The following PLAGL1 variants were observed in gnomAD, a reference collection of about 807,000 sequenced individuals.
The protein encoded by PLAGL1 is zinc finger protein PLAGL1.
PLAGL1 carries 1 observed loss-of-function variant against 4.6 expected under a neutral mutation model. The observed-to-expected ratio is 0.22, with a 90% CI of 0.08 to 1.03. The LOEUF (loss-of-function observed/expected upper bound fraction) is 1.03. PLAGL1 is among the 50% of genes least tolerant of loss of function. The pLI, the probability that PLAGL1 is intolerant of heterozygous loss-of-function variation, is 0.58. For synonymous variants in PLAGL1, 240 were observed against 237.8 expected (o/e 1.01, Z -0.08); for missense variants, 464 against 570.4 (o/e 0.81, Z 1.90).
At chr6:144,002,459 G>A (rs1793116890) in intron 1 of PLAGL1, among the ~76,000 whole-genome samples, 1 of 152,076 alleles carries the variant, frequency 6.6e-6, no homozygotes. Flanking sequence ...AAAGAGAATA[G>A]AATTGTAAAG....
Position 143,950,025 on chromosome 6 carries a change from T to C in PLAGL1, c.-324-1565A>G. Among the ~76,000 whole-genome samples, 1 of 152,078 alleles carries C rather than the reference T, an allele frequency of 6.6e-6. No individual in the cohort carries two copies. Among genetic ancestry groups the C allele is most frequent in the East Asian group, 1.9e-4 (1 of 5,194 alleles). ...CAAAAATTCCAGGAAACTTGTAGAG[T>C]TCCTCATCTTCTGTTGTAGATGTTT... On this transcript the variant is annotated intron_variant, in intron 6 of 7. Coordinates refer to ENST00000674357, the MANE Select transcript of PLAGL1 (RefSeq NM_001317162.2). This position sits in a 1 kb window ranked among gnomAD's most constrained non-coding sequence, Gnocchi z 6.3.
chr6:144,025,731 A>G (rs1246843519), intron 1 of PLAGL1, among the ~76,000 whole-genome samples: 1 of 151,216 alleles, frequency 6.6e-6, no homozygotes, highest in Non-Finnish European at 1.5e-5. Flanking sequence ...CTCTACTAAA[A>G]ATACAAAAAA....
intron 1 of PLAGL1, among the ~76,000 whole-genome samples, chr6:143,996,241 G>A (rs1213576365): frequency 6.6e-6 from 1 of 152,148 alleles, no homozygotes; most frequent in East Asian, 1.9e-4. Context: ...TTCTTATTAG[G>A]TGGATCTGGG....
At position 143,947,303 on chromosome 6, in the gene PLAGL1, A is replaced by T. The variant is rs1358998666; in HGVS notation, c.152+682T>A. Among the ~76,000 whole-genome samples, 1 of 152,036 alleles carries T rather than the reference A, an allele frequency of 6.6e-6. No homozygotes were observed. Among genetic ancestry groups the T allele is most frequent in the Non-Finnish European group, 1.5e-5 (1 of 68,024 alleles). On this transcript the variant is annotated intron_variant, in intron 7 of 7. Transcript: ENST00000674357. This position sits in a 1 kb window ranked among gnomAD's most constrained non-coding sequence, Gnocchi z 4.3. ...TCTCAGGACCTGGATCAGCCCCCAC[A>T]TTTCATCCCTGGACTCTGAGAGCAG...
chr6:144,033,305 C>T (rs1303611385), intron 1 of PLAGL1, among the ~76,000 whole-genome samples: 5 of 152,138 alleles, frequency 3.3e-5, no homozygotes, highest in Non-Finnish European at 1.5e-5. Flanking sequence ...ATAATAAATA[C>T]CAGGTTTAAG....
In PLAGL1 at chr6:144,048,164, T is replaced by C. The variant is rs1265682767; in HGVS notation, c.-151+16304A>G. On this transcript the variant is annotated intron_variant, in intron 1 of 3. Transcript: ENST00000437412. The surrounding 1 kb of genome is among the most constrained non-coding windows in gnomAD (Gnocchi z 4.8). ...TGCAAGAAGTGGGCTCCCACGGTCT[T>C]GGGCAGCTCTGCCTCTGTGGCTTTG... Among the ~76,000 whole-genome samples, 2 of 152,360 alleles carry C rather than the reference T, an allele frequency of 1.3e-5. No individual in the cohort carries two copies. The highest frequency in any genetic ancestry group is 2.9e-5 in the Non-Finnish European group (2 of 68,028).
rs554171717 is a variant in PLAGL1, at chr6:143,949,742, G to A, written c.-324-1282C>T. On this transcript the variant is annotated intron_variant, in intron 6 of 7. Transcript: ENST00000674357. This position sits in a 1 kb window ranked among gnomAD's most constrained non-coding sequence, Gnocchi z 5.3. ...ATTTGCTGAACTTTGCCAGTAAGCA[G>A]GGCACTTCATGGTAAACTGACCAAT... Among the ~76,000 whole-genome samples, 7 of 152,332 alleles carry A rather than the reference G, an allele frequency of 4.6e-5. No homozygotes were observed. Among genetic ancestry groups the A allele is most frequent in the Non-Finnish European group, 7.3e-5 (5 of 68,034 alleles).
rs1381471063 is a variant in PLAGL1, at chr6:143,990,788, C to G, written c.-583-5614G>C. Among the ~76,000 whole-genome samples the G allele has an allele frequency of 6.6e-6, 1 of 152,218 alleles. No individual in the cohort carries two copies. The highest frequency in any genetic ancestry group is 1.5e-5 in the Non-Finnish European group (1 of 68,042). On this transcript the variant is annotated intron_variant, in intron 1 of 7. Coordinates refer to ENST00000674357, the MANE Select transcript of PLAGL1 (RefSeq NM_001317162.2). The surrounding 1 kb of genome is among the most constrained non-coding windows in gnomAD (Gnocchi z 5.4). ...GACTTCATCTTCCCGGGACCCAACC[C>G]CTCTTTCCTCCCTTGTGTCATGCCG... is the stretch of plus-strand genomic sequence containing the variant.
chr6:144,048,228 G>A lies in PLAGL1; in HGVS notation c.-151+16240C>T, dbSNP rs574793270. Among the ~76,000 whole-genome samples the A allele has an allele frequency of 1.2e-3, 181 of 152,288 alleles. 1 individual carries two copies. Among genetic ancestry groups the A allele is most frequent in the African/African-American group, 4.0e-3 (167 of 41,566 alleles). ...CCCTCTTGGCTGCTTTCATGGGCTG[G>A]CATTGAGTGTTGGTGGCTTTTCCAG... On this transcript the variant is annotated intron_variant, in intron 1 of 3. Coordinates refer to the PLAGL1 transcript ENST00000437412. This position sits in a 1 kb window ranked among gnomAD's most constrained non-coding sequence, Gnocchi z 4.8.
In PLAGL1 at chr6:144,027,853, A is replaced by C. The variant is rs1346622604; in HGVS notation, c.-151+36615T>G. ...AAATATGTGCACAGACTCACATATA[A>C]GGTCCTAAAGAAAGGATTTTGCTGA... On this transcript the variant is annotated intron_variant, in intron 1 of 3. Coordinates refer to the PLAGL1 transcript ENST00000437412. The surrounding 1 kb of genome is among the most constrained non-coding windows in gnomAD (Gnocchi z 5.8). Among the ~76,000 whole-genome samples the C allele has an allele frequency of 1.3e-5, 2 of 152,222 alleles. No individual in the cohort carries two copies. Among genetic ancestry groups the C allele is most frequent in the Non-Finnish European group, 2.9e-5 (2 of 68,036 alleles).
At chr6:144,062,470 CAAAAAAA>C (rs543521128) in intron 1 of PLAGL1, among the ~76,000 whole-genome samples, 39 of 75,724 alleles carry the variant, frequency 5.2e-4, no homozygotes, top group South Asian at 1.1e-3. Context: ...GTTATCAGAC[CAAAAAAA>C]AAAAAAAAAA....
At chr6:143,980,790 G>C (rs1432255402) in intron 2 of PLAGL1, among the ~76,000 whole-genome samples, 1 of 152,066 alleles carries the variant, frequency 6.6e-6, no homozygotes, top group Non-Finnish European at 1.5e-5. Flanking sequence ...TTATTAATGG[G>C]TGCTGGATAT....
intron 1 of PLAGL1, among the ~76,000 whole-genome samples, chr6:144,025,323 T>A (rs1796257038): frequency 6.6e-6 from 1 of 152,054 alleles, no homozygotes; most frequent in South Asian, 2.1e-4. Flanking sequence ...AGCCAAGAAG[T>A]CCCTAAGGAG....
At chr6:143,988,010 T>A (rs1789592303) in intron 1 of PLAGL1, among the ~76,000 whole-genome samples, 1 of 152,230 alleles carries the variant, frequency 6.6e-6, no homozygotes, top group South Asian at 2.1e-4. Context: ...AGAATAACCT[T>A]TCTATCTTGT....
rs1562364304 is a variant in PLAGL1, at chr6:143,941,797, T to C, written c.1019A>G (p.Gln340Arg). Residue 340 changes from glutamine (Q) to arginine (R), a missense_variant, in exon 8 of 8, where the codon CAG becomes CGG. Physicochemically the swap from Gln to Arg is conservative, Grantham distance 43 (BLOSUM62 1). This residue lies in a region of PLAGL1 where 248 missense variants were observed against 250.1 expected (regional missense o/e 0.99). Coordinates refer to ENST00000674357, the MANE Select transcript of PLAGL1 (RefSeq NM_001317162.2). This position sits in a 1 kb window ranked among gnomAD's most constrained non-coding sequence, Gnocchi z 6.0. ...ACCTGGGTTGAGCTTTTGAGGTGACTGAGGCTCTTGCAGAGGCAAGTCCTC... is the reference window on the plus strand; with the variant it reads ...ACCTGGGTTGAGCTTTTGAGGTGACCGAGGCTCTTGCAGAGGCAAGTCCTC... ...LFEDLPLQEP[Q>R]SPQKLNPGFD... 4 of 1,614,274 alleles carry C rather than the reference T, an allele frequency of 2.5e-6. No homozygotes were observed. The highest frequency in any genetic ancestry group is 2.5e-6 in the Non-Finnish European group (3 of 1,180,048).
rs773005838 is a variant in PLAGL1, at chr6:143,942,181, A to G, written c.635T>C (p.Met212Thr). Residue 212 changes from methionine (M) to threonine (T), a missense_variant, in exon 8 of 8, where the codon ATG becomes ACG. Met to Thr is a moderately conservative substitution (Grantham distance 81, BLOSUM62 -1). This residue lies in a region of PLAGL1 where 35 missense variants were observed against 77.3 expected (regional missense o/e 0.45). Coordinates refer to ENST00000674357, the MANE Select transcript of PLAGL1 (RefSeq NM_001317162.2). This position sits in a 1 kb window ranked among gnomAD's most constrained non-coding sequence, Gnocchi z 7.6. ...HTKKTHSQEL[M>T]KESLQTGDLL... Reference sequence around the variant, plus strand: ...GTCTCCGGTCTGCAAGCTCTCTTTCATCAGCTCCTGTGAGTGGGTCTTCTT... The same window carrying G: ...GTCTCCGGTCTGCAAGCTCTCTTTCGTCAGCTCCTGTGAGTGGGTCTTCTT... 1 of 1,614,180 alleles carries G rather than the reference A, an allele frequency of 6.2e-7. No homozygotes were observed. Among genetic ancestry groups the G allele is most frequent in the Non-Finnish European group, 8.5e-7 (1 of 1,180,020 alleles).
chr6:144,020,117 C>T (rs1043276423), intron 1 of PLAGL1, among the ~76,000 whole-genome samples: 1 of 152,144 alleles, frequency 6.6e-6, no homozygotes, highest in Non-Finnish European at 1.5e-5. Flanking sequence ...TCCCTCTCTC[C>T]ACTCTGTGAG....
chr6:144,023,851 A>G (rs1796148616), intron 1 of PLAGL1, among the ~76,000 whole-genome samples: 1 of 122,382 alleles, frequency 8.2e-6, no homozygotes, highest in African/African-American at 3.2e-5. Context: ...ATCTTGGCTT[A>G]CTGCAACCTC....
In PLAGL1 at chr6:143,959,326, T is replaced by C. The variant is rs1022383730; in HGVS notation, c.-325+1143A>G. Among the ~76,000 whole-genome samples, 4 of 152,154 alleles carry C rather than the reference T, an allele frequency of 2.6e-5. No individual in the cohort carries two copies. The highest frequency in any genetic ancestry group is 4.1e-4 in the South Asian group (2 of 4,828). Reference sequence around the variant, plus strand: ...TGTTCGCAGCCCATGGACTCGCCACTGAATACTTCGGCAGACACATTCCAG... The same window carrying C: ...TGTTCGCAGCCCATGGACTCGCCACCGAATACTTCGGCAGACACATTCCAG... On this transcript the variant is annotated intron_variant, in intron 6 of 7. Transcript: ENST00000674357. The surrounding 1 kb of genome is among the most constrained non-coding windows in gnomAD (Gnocchi z 5.3).
Sources: gnomAD v4.1 joint callset for allele counts (sites outside exome capture counted in the v4.1 genomes callset) on GRCh38, gnomAD v4.1.1 for gene constraint, gnomAD v4.1.1 regional missense constraint, Gnocchi (gnomAD v3.1) non-coding constraint, MANE v1.5 for transcripts, NCBI Gene and HGNC (gene_info 2026-07-23, HGNC 2026-07-21) for gene names.